The following FANCA variants were observed in gnomAD, a reference collection of about 807,000 sequenced individuals.
FANCA encodes the protein Fanconi anemia group A protein.
FANCA carries 236 observed loss-of-function variants against 194.3 expected under a neutral mutation model. The observed-to-expected ratio is 1.21, with a 90% CI of 1.09 to 1.35. The LOEUF (loss-of-function observed/expected upper bound fraction) is 1.35, where lower values mean the gene tolerates loss of function less well. FANCA is among the 40% of genes most tolerant of loss of function. FANCA has a pLI of 0.00. For missense variants in FANCA, 2,628 were observed against 1,813.9 expected (o/e 1.45, Z -8.15); for synonymous variants, 1,014 against 715.8 (o/e 1.42, Z -6.65).
In FANCA at chr16:89,767,213, G is replaced by A. The variant is rs1247378731; in HGVS notation, c.2529C>T (p.Tyr843=). Residue 843 remains tyrosine (Y), a synonymous_variant, in exon 27 of 43, where the codon TAC becomes TAT. Coordinates refer to ENST00000389301, the MANE Select transcript of FANCA (RefSeq NM_000135.4). ...ACTGGGAAGAAAACTTGCAGAGAGA[G>A]TAAGAAATTGCTGCTGTACAAAATC... ...CLKFCTAAIS[Y]SLCKFSSQSR... 3.1e-6 allele frequency: 5 copies of A among 1,613,000 alleles called. No homozygotes were observed. The highest frequency in any genetic ancestry group is 1.1e-5 in the South Asian group (1 of 91,076).
At position 89,739,524 on chromosome 16, in the gene FANCA, C is replaced by T; in HGVS notation, c.3964G>A (p.Val1322Met). ...AGCCTGGTGTGCTGATCCGGGGCCA[C>T]ACGGAGGAGGAGCCGCCCCAGCCTG... is the stretch of plus-strand genomic sequence containing the variant. Reference protein sequence around the residue: ...DLRLGRLLLRVAPDQHTRLLP... With the variant: ...DLRLGRLLLRMAPDQHTRLLP... The change falls in exon 40 of 43, where the codon GTG (valine) becomes ATG (methionine). Residue 1322 changes from valine to methionine, a missense_variant. By Grantham distance (21) the Val-to-Met change is conservative. Transcript: ENST00000389301. 1.3e-6 allele frequency: 2 copies of T among 1,551,350 alleles called. No individual in the cohort carries two copies. Among genetic ancestry groups the T allele is most frequent in the Non-Finnish European group, 1.7e-6 (2 of 1,147,086 alleles).
At position 89,739,696 on chromosome 16, in the gene FANCA, A is replaced by G. The variant is rs558073072; in HGVS notation, c.3935-143T>C. On this transcript the variant is annotated intron_variant, in intron 39 of 42. Transcript: ENST00000389301. ...GGGGCGAACAGCCTGAGCTGAGGATACCCAGGTACCTGTCAGCAGCTGGGA... is the reference window on the plus strand; with the variant it reads ...GGGGCGAACAGCCTGAGCTGAGGATGCCCAGGTACCTGTCAGCAGCTGGGA... 2.7e-6 allele frequency: 4 copies of G among 1,503,058 alleles called. No individual in the cohort carries two copies. In the East Asian group the frequency reaches 9.9e-5, roughly 37 times the overall value. The allele number at this position is 1,503,058 out of a possible 1,614,324, so 93.1% of individuals were successfully genotyped here. A position where few individuals can be genotyped will look rare whatever the true frequency, so the allele number is the denominator to read the frequency against.
At position 89,795,918 on chromosome 16, in the gene FANCA, G is replaced by T. The variant is rs1056497675; in HGVS notation, c.994C>A (p.Pro332Thr). The change falls in exon 11 of 43, where the codon CCT becomes ACT. Residue 332 changes from proline (P) to threonine (T), a missense_variant. Pro to Thr is a conservative substitution (Grantham distance 38). Transcript: ENST00000389301. Reference protein sequence around the residue: ...HTLTQILTHSPVLKASDAVQM... With the variant: ...HTLTQILTHSTVLKASDAVQM... ...ACACTGGGCCTACCTTTCAGCACAGGGCTGTGAGTGAGTATCTGAGTCAGG... is the reference window on the plus strand; with the variant it reads ...ACACTGGGCCTACCTTTCAGCACAGTGCTGTGAGTGAGTATCTGAGTCAGG... The T allele has an allele frequency of 3.1e-6, 5 of 1,613,324 alleles. No homozygotes were observed. The highest frequency in any genetic ancestry group is 4.2e-6 in the Non-Finnish European group (5 of 1,179,262).
intron 20 of FANCA, among the ~76,000 whole-genome samples, chr16:89,777,180 C>T (rs1352390842): frequency 6.6e-6 from 1 of 150,616 alleles, no homozygotes; most frequent in Non-Finnish European, 1.5e-5. Flanking sequence ...CCTCTAGACC[C>T]TGCTACTTGG....
intron 7 of FANCA, 125 bp from the exon 8 acceptor site, chr16:89,803,466 G>A: frequency 1.2e-6 from 1 of 845,756 alleles, no homozygotes. Context: ...GGACCCCTGT[G>A]AGCTGCTCCT....
Position 89,814,542 on chromosome 16 carries a change from A to T in FANCA, c.261T>A (p.Ala87=), listed in dbSNP as rs1567657526. The T allele has an allele frequency of 6.2e-7, 1 of 1,613,270 alleles. No individual in the cohort carries two copies. Among genetic ancestry groups the T allele is most frequent in the Non-Finnish European group, 8.5e-7 (1 of 1,179,188 alleles). The change falls in exon 3 of 43, where the codon GCT becomes GCA. Residue 87 remains alanine, a synonymous_variant. Coordinates refer to ENST00000389301, the MANE Select transcript of FANCA (RefSeq NM_000135.4). Reference sequence around the variant, plus strand: ...TACCTATAAATGAACTAGAATGATTAGCATAGGCCTCAGAACTGTCACAGT... The same window carrying T: ...TACCTATAAATGAACTAGAATGATTTGCATAGGCCTCAGAACTGTCACAGT... ...VIDCDSSEAY[A]NHSSSFIGSA...
In FANCA at chr16:89,778,820, AC is replaced by A; in HGVS notation, c.1806del (p.Phe603LeufsTer2). 6.2e-7 allele frequency: 1 copy of A among 1,613,954 alleles called. No homozygotes were observed. The highest frequency in any genetic ancestry group is 8.5e-7 in the Non-Finnish European group (1 of 1,179,982). ...VLPKVPDSRV[A>X]FIESLKRADK... ...GCATACCTCTTCAGAGACTCTATAAACGCCACACGGGAGTCAGGGACTTTGG... is the reference window on the plus strand; with the variant it reads ...GCATACCTCTTCAGAGACTCTATAAAGCCACACGGGAGTCAGGGACTTTGG... On this transcript the variant is annotated frameshift_variant, in exon 20 of 43. Coordinates refer to ENST00000389301, the MANE Select transcript of FANCA (RefSeq NM_000135.4). LOFTEE classifies it high-confidence loss of function.
intron 6 of FANCA, 59 bp from the exon 7 acceptor site, chr16:89,805,451 G>C (rs1301869908): frequency 7.3e-7 from 1 of 1,375,170 alleles, no homozygotes; most frequent in Middle Eastern, 1.8e-4. Context: ...TCAGGGGATT[G>C]AGTTGAGCCA....
intron 20 of FANCA, 70 bp downstream of exon 20, chr16:89,778,731 G>C: frequency 7.1e-7 from 1 of 1,401,940 alleles, no homozygotes; most frequent in South Asian, 1.2e-5. Context: ...CTCTACAGAA[G>C]ATCCACAATT....
rs1390701776 is a variant in FANCA, at chr16:89,791,989, C to A, written c.1163G>T (p.Arg388Ile). ...VLETQEVHWQ[R>I]VLSFVSALVV... The stretch of plus-strand genomic sequence containing the variant: ...CAGGGCAGACACAAAGGAGAGCACT[C>A]TCTGCCAGTGAACCTCCTGCGTTTC... Residue 388 changes from arginine to isoleucine, a missense_variant, in exon 13 of 43, where the codon AGA becomes ATA. By Grantham distance (97) the Arg-to-Ile change is moderately conservative. Transcript: ENST00000389301. 6.2e-7 allele frequency: 1 copy of A among 1,614,220 alleles called. No individual in the cohort carries two copies. The highest frequency in any genetic ancestry group is 1.1e-5 in the South Asian group (1 of 91,090).
chr16:89,761,387 C>G (rs2038946356), intron 29 of FANCA, among the ~76,000 whole-genome samples: 1 of 147,328 alleles, frequency 6.8e-6, no homozygotes, highest in South Asian at 2.2e-4. Flanking sequence ...CCACTGCATT[C>G]CAGCCTGGGT....
At chr16:89,753,088 A>G (rs532544203) in intron 30 of FANCA, among the ~76,000 whole-genome samples, 1 of 152,326 alleles carries the variant, frequency 6.6e-6, no homozygotes, top group South Asian at 2.1e-4. Flanking sequence ...GTAGCAAATT[A>G]GTGAAAATAC....
chr16:89,763,499 C>T (rs2039021117), intron 28 of FANCA, among the ~76,000 whole-genome samples: 1 of 151,658 alleles, frequency 6.6e-6, no homozygotes. Flanking sequence ...TTTCTAAAGA[C>T]CAAAACAACC....
At chr16:89,764,112 G>T (rs766064804) in intron 28 of FANCA, among the ~76,000 whole-genome samples, 3 of 143,936 alleles carry the variant, frequency 2.1e-5, no homozygotes, top group Admixed American at 6.9e-5. Flanking sequence ...CGTGGTGGCA[G>T]GCGCCTGTAG....
chr16:89,790,801 T>C (rs1177865367), intron 14 of FANCA, among the ~76,000 whole-genome samples: 1 of 151,964 alleles, frequency 6.6e-6, no homozygotes, highest in Non-Finnish European at 1.5e-5. Context: ...CATCCACTTC[T>C]GTGTCCCCTC....
chr16:89,788,358 G>T (rs920704360), intron 14 of FANCA, among the ~76,000 whole-genome samples: 1 of 152,198 alleles, frequency 6.6e-6, no homozygotes, highest in Non-Finnish European at 1.5e-5. Context: ...CTACTCAGGA[G>T]GCTGAAACAG....
rs777592492 is a variant in FANCA at position 89,738,138 on chromosome 16, G to A, written c.*463C>T. Reference sequence around the variant, plus strand: ...TACACATGTCCATGGTGCACCCGCTGACACAGACCCAGGACAAGGCCCTGC... The same window carrying A: ...TACACATGTCCATGGTGCACCCGCTAACACAGACCCAGGACAAGGCCCTGC... On this transcript the variant is annotated 3_prime_UTR_variant, in exon 43 of 43. Coordinates refer to ENST00000389301, the MANE Select transcript of FANCA (RefSeq NM_000135.4). The A allele has an allele frequency of 9.9e-6, 16 of 1,613,558 alleles. No individual in the cohort carries two copies. In the Admixed American group the frequency reaches 2.2e-4, roughly 22 times the overall value.
At chr16:89,745,171 C>T (rs2038339014) in intron 35 of FANCA, 100 bp from the exon 36 acceptor site, 6 of 1,105,266 alleles carry the variant, frequency 5.4e-6, no homozygotes, top group Admixed American at 4.0e-5. Flanking sequence ...CAGGCCACTA[C>T]AGGCCCACAC....
chr16:89,778,714 C>CAAATTTCTCT, intron 20 of FANCA, 87 bp downstream of exon 20: 1 of 1,257,320 alleles, frequency 8.0e-7, no homozygotes, highest in Non-Finnish European at 1.1e-6. Flanking sequence ...AGTGGTCTAA[C>CAAATTTCTCT]AAATTTCTCT....
Sources: gnomAD v4.1 joint callset for allele counts (sites outside exome capture counted in the v4.1 genomes callset) on GRCh38, gnomAD v4.1.1 for gene constraint, MANE v1.5 for transcripts, NCBI Gene and HGNC (gene_info 2026-07-23, HGNC 2026-07-21) for gene names.